The following GRIK2 variants were observed in gnomAD, a reference collection of about 807,000 sequenced individuals.
GRIK2 encodes glutamate receptor ionotropic, kainate 2.
A neutral mutation model predicts 100.3 loss-of-function variants in GRIK2; 32 were observed. That is an observed-to-expected ratio of 0.32 (90% CI 0.24 to 0.43). GRIK2 has a LOEUF of 0.43. Ranked by LOEUF, GRIK2 falls within the 20% of genes least tolerant of loss-of-function variation. GRIK2 has a pLI of 1.00. For synonymous variants in GRIK2, 417 were observed against 389.4 expected, an observed-to-expected ratio of 1.07 and a Z score of -0.83; for missense variants, 843 against 1,114.9, an observed-to-expected ratio of 0.76 and a Z score of 3.47.
chr6:101,525,072 C>T (rs1775083636), intron 2 of GRIK2, among the ~76,000 whole-genome samples: 1 of 152,112 alleles, frequency 6.6e-6, no homozygotes, highest in Non-Finnish European at 1.5e-5. Context: ...AAACATTCAA[C>T]TCACCAGTCT....
chr6:101,482,290 G>A (rs530049958), intron 2 of GRIK2, among the ~76,000 whole-genome samples: 4 of 152,276 alleles, frequency 2.6e-5, no homozygotes, highest in South Asian at 2.1e-4. Context: ...CGTAAAATGA[G>A]TCATGTTCCC....
intron 2 of GRIK2, among the ~76,000 whole-genome samples, chr6:101,444,423 G>A (rs913521376): frequency 3.3e-5 from 5 of 151,954 alleles, no homozygotes; most frequent in African/African-American, 1.2e-4. Flanking sequence ...CCTTGGCAAT[G>A]TAGCAATATG....
chr6:101,776,067 AT>A (rs1778728933), intron 7 of GRIK2, among the ~76,000 whole-genome samples: 1 of 152,242 alleles, frequency 6.6e-6, no homozygotes, highest in Non-Finnish European at 1.5e-5. Context: ...ATGCTGTAAT[AT>A]TGGAGAATGA....
intron 11 of GRIK2, among the ~76,000 whole-genome samples, chr6:101,872,199 T>C (rs777843876): frequency 6.6e-6 from 1 of 151,920 alleles, no homozygotes; most frequent in Non-Finnish European, 1.5e-5. Flanking sequence ...GACCTAGAAA[T>C]GTGGCCAACA....
intron 2 of GRIK2, among the ~76,000 whole-genome samples, chr6:101,468,687 T>C (rs192934522): frequency 6.6e-6 from 1 of 152,172 alleles, no homozygotes; most frequent in Non-Finnish European, 1.5e-5. Context: ...CCTGTACAAC[T>C]GGCCTTACTG....
At chr6:101,842,202 G>GT (rs896029302) in intron 10 of GRIK2, among the ~76,000 whole-genome samples, 2 of 151,984 alleles carry the variant, frequency 1.3e-5, no homozygotes, top group African/African-American at 4.8e-5. Context: ...TTTCTAATAT[G>GT]TTTTTTAACA....
intron 2 of GRIK2, among the ~76,000 whole-genome samples, chr6:101,404,247 A>G (rs762037865): frequency 2.6e-5 from 4 of 152,250 alleles, no homozygotes; most frequent in Non-Finnish European, 5.9e-5. Context: ...AGCACGGGAA[A>G]GTTAATGTGA....
chr6:102,047,998 C>G (rs910715237), intron 15 of GRIK2, among the ~76,000 whole-genome samples: 92 of 151,174 alleles, frequency 6.1e-4, no homozygotes, highest in African/African-American at 2.1e-3. Context: ...ATGGTACTGC[C>G]CCCCTCCCAA....
At chr6:101,442,069 C>T (rs914448072) in intron 2 of GRIK2, among the ~76,000 whole-genome samples, 5 of 151,574 alleles carry the variant, frequency 3.3e-5, no homozygotes, top group Admixed American at 6.6e-5. Flanking sequence ...AGAGAAGAAA[C>T]GTTGATTGAG....
chr6:101,602,134 T>G (rs1779243335), intron 2 of GRIK2, among the ~76,000 whole-genome samples: 1 of 151,746 alleles, frequency 6.6e-6, no homozygotes, highest in Non-Finnish European at 1.5e-5. Context: ...CTCTTTTCAT[T>G]TATTTCAAAG....
intron 2 of GRIK2, among the ~76,000 whole-genome samples, chr6:101,547,929 C>G (rs1776325281): frequency 6.6e-6 from 1 of 152,156 alleles, no homozygotes; most frequent in African/African-American, 2.4e-5. Flanking sequence ...AGTTTACAGT[C>G]CCACCAACAG....
intron 2 of GRIK2, among the ~76,000 whole-genome samples, chr6:101,498,659 A>G (rs966482293): frequency 6.6e-6 from 1 of 151,584 alleles, no homozygotes; most frequent in Non-Finnish European, 1.5e-5. Context: ...GGCTGCATAA[A>G]TGTCTTCTTT....
chr6:101,792,544 C>T (rs1235186677), intron 7 of GRIK2, among the ~76,000 whole-genome samples: 1 of 152,008 alleles, frequency 6.6e-6, no homozygotes, highest in Non-Finnish European at 1.5e-5. Context: ...CCCCCACTCT[C>T]TTCTGGCTTG....
intron 2 of GRIK2, among the ~76,000 whole-genome samples, chr6:101,523,397 T>A (rs1432862694): frequency 6.6e-6 from 1 of 152,122 alleles, no homozygotes; most frequent in Non-Finnish European, 1.5e-5. Flanking sequence ...CTGTTAGGGA[T>A]AAGATGTACA....
At chr6:101,574,090 T>C (rs1018007899) in intron 2 of GRIK2, among the ~76,000 whole-genome samples, 3 of 151,344 alleles carry the variant, frequency 2.0e-5, no homozygotes, top group Non-Finnish European at 4.4e-5. Context: ...TATTTTCTAT[T>C]GAGATTATAT....
At position 101,610,513 on chromosome 6, in the gene GRIK2, G is replaced by A. The variant is rs569104833; in HGVS notation, c.116-11436G>A. Among the ~76,000 whole-genome samples the A allele has an allele frequency of 7.2e-5, 11 of 151,846 alleles. No individual in the cohort carries two copies. In the South Asian group the frequency reaches 1.0e-3, roughly 14 times the overall value. On this transcript the variant is annotated intron_variant, in intron 2 of 16. Transcript: ENST00000369134. ...TTGGCAGATGATTTCTCACATCAAT[G>A]TATTTTTTGCAAAAGAGAGAGTTAA...
At chr6:102,035,093 G>T (rs753020170) in intron 14 of GRIK2, among the ~76,000 whole-genome samples, 55 of 150,698 alleles carry the variant, frequency 3.6e-4, no homozygotes, top group Non-Finnish European at 6.5e-4. Context: ...TAAACATGAA[G>T]ATTTTTAAAA....
At chr6:101,925,920 T>A (rs1789858600) in intron 13 of GRIK2, among the ~76,000 whole-genome samples, 1 of 152,070 alleles carries the variant, frequency 6.6e-6, no homozygotes, top group African/African-American at 2.4e-5. Flanking sequence ...TAACTACATG[T>A]CAAAAGAAAA....
At chr6:101,726,377 G>A (rs1465318553) in intron 7 of GRIK2, among the ~76,000 whole-genome samples, 3 of 151,978 alleles carry the variant, frequency 2.0e-5, no homozygotes, top group South Asian at 2.1e-4. Flanking sequence ...TCTAACTGGT[G>A]CATTTTAAAA....
Sources: gnomAD v4.1 joint callset for allele counts (sites outside exome capture counted in the v4.1 genomes callset) on GRCh38, gnomAD v4.1.1 for gene constraint, MANE v1.5 for transcripts, NCBI Gene and HGNC (gene_info 2026-07-23, HGNC 2026-07-21) for gene names.